NUP88: variants seen among roughly 807,000 people sequenced by gnomAD.
NUP88 encodes nuclear pore complex protein Nup88.
NUP88 carries 57 observed loss-of-function variants against 93.9 expected under a neutral mutation model. The observed-to-expected ratio is 0.61, with a 90% confidence interval of 0.49 to 0.76. The LOEUF is 0.76. Ranked by LOEUF, NUP88 falls within the 30% of genes least tolerant of loss-of-function variation. NUP88 has a pLI of 0.00. For synonymous variants in NUP88, 346 were observed against 336.8 expected (o/e 1.03, Z -0.30); for missense variants, 911 against 901.0 (o/e 1.01, Z -0.14).
At chr17:5,397,604 G>C (rs1912856692) in intron 8 of NUP88, among the ~76,000 whole-genome samples, 1 of 152,222 alleles carries the variant, frequency 6.6e-6, no homozygotes, top group Non-Finnish European at 1.5e-5. Flanking sequence ...AGCCCAGTGA[G>C]AACCATGCAG....
chr17:5,393,435 CTTTTTTTTTT>C (rs35265554), intron 9 of NUP88, among the ~76,000 whole-genome samples: 7 of 121,698 alleles, frequency 5.8e-5, no homozygotes, highest in African/African-American at 2.1e-4. Flanking sequence ...GTTCACTTTT[CTTTTTTTTTT>C]TTTTTTTTTG....
intron 3 of NUP88, among the ~76,000 whole-genome samples, chr17:5,412,348 G>C (rs1232786902): frequency 6.6e-6 from 1 of 152,168 alleles, no homozygotes; most frequent in Non-Finnish European, 1.5e-5. Flanking sequence ...GAAACAGCCA[G>C]ATGTGGAGGT....
At chr17:5,406,769 AAAAAG>A (rs10598183) in intron 5 of NUP88, among the ~76,000 whole-genome samples, 65,011 of 150,700 alleles carry the variant, frequency 0.43, 14,704 homozygotes, top group East Asian at 0.83. Flanking sequence ...GCTTTAAAAA[AAAAAG>A]AAAAGAAAAG....
In NUP88 at chr17:5,419,631, G is replaced by T. The variant is rs778349746; in HGVS notation, c.20C>A (p.Pro7Gln). MAAAEG[P>Q]VGDGELWQTW... Reference sequence around the variant, plus strand: ...CTGCCACAGCTCGCCGTCGCCCACCGGTCCCTCGGCGGCCGCCATCTTGGC... The same window carrying T: ...CTGCCACAGCTCGCCGTCGCCCACCTGTCCCTCGGCGGCCGCCATCTTGGC... Residue 7 changes from proline (P) to glutamine (Q), a missense_variant, in exon 1 of 17, where the codon CCG (proline) becomes CAG (glutamine). Transcript: ENST00000573584. 5.0e-6 allele frequency: 8 copies of T among 1,592,790 alleles called. No homozygotes were observed. The highest frequency in any genetic ancestry group is 1.3e-5 in the African/African-American group (1 of 74,740).
At chr17:5,389,398 A>C (rs1912263686) in intron 10 of NUP88, among the ~76,000 whole-genome samples, 1 of 152,248 alleles carries the variant, frequency 6.6e-6, no homozygotes, top group Non-Finnish European at 1.5e-5. Flanking sequence ...AGTCAAGTGC[A>C]AATACTCAAA....
chr17:5,391,514 T>C (rs370392949), intron 10 of NUP88, 47 bp downstream of exon 10: 137 of 1,470,052 alleles, frequency 9.3e-5, no homozygotes, highest in Non-Finnish European at 1.2e-4. Flanking sequence ...AACTTAGATA[T>C]TGCAGAATTA....
intron 7 of NUP88, among the ~76,000 whole-genome samples, chr17:5,403,699 C>T (rs1175290690): frequency 1.3e-5 from 2 of 151,986 alleles, no homozygotes; most frequent in Admixed American, 6.6e-5. Context: ...TTTGGTCTGT[C>T]GATGGACACA....
chr17:5,401,411 T>G (rs1913159795), intron 7 of NUP88, among the ~76,000 whole-genome samples: 1 of 151,978 alleles, frequency 6.6e-6, no homozygotes, highest in African/African-American at 2.4e-5. Context: ...ATAATGTTAT[T>G]AAACTAAAAC....
At chr17:5,394,559 C>G (rs1470639818) in intron 9 of NUP88, among the ~76,000 whole-genome samples, 1 of 151,940 alleles carries the variant, frequency 6.6e-6, no homozygotes, top group African/African-American at 2.4e-5. Context: ...AGGAGAGCCC[C>G]AAGTTAGACT....
At chr17:5,398,886 C>T (rs1394158201) in intron 8 of NUP88, among the ~76,000 whole-genome samples, 1 of 128,994 alleles carries the variant, frequency 7.8e-6, no homozygotes, top group African/African-American at 2.8e-5. Flanking sequence ...CCACTGCACC[C>T]AGCCTTTTTT....
intron 1 of NUP88, among the ~76,000 whole-genome samples, chr17:5,417,397 AG>A (rs2151650152): frequency 6.6e-6 from 1 of 152,308 alleles, no homozygotes; most frequent in Admixed American, 6.5e-5. Context: ...GACCCCTGAC[AG>A]TAGAGGCTCC....
In NUP88 at chr17:5,400,092, G is replaced by C. The variant is rs142383686; in HGVS notation, c.1193-442C>G. On this transcript the variant is annotated intron_variant, in intron 7 of 16. Coordinates refer to ENST00000573584, the MANE Select transcript of NUP88 (RefSeq NM_002532.6). ...AGACAGCACGTGCTGTTTGAAAAATGGTGCCGATAGACTTGCTTGATGCAG... is the reference window on the plus strand; with the variant it reads ...AGACAGCACGTGCTGTTTGAAAAATCGTGCCGATAGACTTGCTTGATGCAG... Among the ~76,000 whole-genome samples, 655 of 134,606 alleles carry C rather than the reference G, an allele frequency of 4.9e-3. 10 individuals are homozygous for C. The highest frequency in any genetic ancestry group is 0.017 in the African/African-American group (621 of 36,398). The allele number at this position is 134,606 out of a possible 152,430, so 88.3% of individuals were successfully genotyped here.
chr17:5,417,410 A>G (rs1312087471), intron 1 of NUP88, among the ~76,000 whole-genome samples: 1 of 152,176 alleles, frequency 6.6e-6, no homozygotes, highest in Non-Finnish European at 1.5e-5. Flanking sequence ...AGAGGCTCCA[A>G]TGAGCCGTGA....
At chr17:5,395,825 G>A (rs1323623379) in intron 8 of NUP88, among the ~76,000 whole-genome samples, 1 of 152,090 alleles carries the variant, frequency 6.6e-6, no homozygotes, top group Non-Finnish European at 1.5e-5. Flanking sequence ...GCCTGTAACA[G>A]CTTTTTGAAA....
rs1914483455 is a variant in NUP88 at position 5,419,610 on chromosome 17, C to A, written c.41G>T (p.Trp14Leu). ...AEGPVGDGEL[W>L]QTWLPNHVVF... ...GACGTGGTTAGGAAGCCAGGTCTGC[C>A]ACAGCTCGCCGTCGCCCACCGGTCC... is the stretch of plus-strand genomic sequence containing the variant. The change falls in exon 1 of 17, where the codon TGG becomes TTG. Residue 14 changes from tryptophan to leucine, a missense_variant. Physicochemically the swap from Trp to Leu is moderately conservative, Grantham distance 61 (BLOSUM62 -2). Coordinates refer to ENST00000573584, the MANE Select transcript of NUP88 (RefSeq NM_002532.6). 1.3e-6 allele frequency: 2 copies of A among 1,599,278 alleles called. No individual in the cohort carries two copies. The highest frequency in any genetic ancestry group is 1.7e-6 in the Non-Finnish European group (2 of 1,171,230).
At chr17:5,392,402 G>A (rs554013412) in intron 9 of NUP88, among the ~76,000 whole-genome samples, 4 of 151,952 alleles carry the variant, frequency 2.6e-5, no homozygotes, top group Non-Finnish European at 4.4e-5. Context: ...ATTCTTTCTC[G>A]CCATCCCTTT....
intron 1 of NUP88, among the ~76,000 whole-genome samples, chr17:5,418,873 G>A (rs993622594): frequency 2.4e-4 from 36 of 152,162 alleles, no homozygotes; most frequent in African/African-American, 8.2e-4. Context: ...TTTTGGGTAT[G>A]GCTTTATTTT....
At position 5,419,404 on chromosome 17, in the gene NUP88, G is replaced by GC; in HGVS notation, c.246_247insG (p.Leu83AlafsTer28). On this transcript the variant is annotated frameshift_variant, in exon 1 of 17. Transcript: ENST00000573584. LOFTEE classifies it high-confidence loss of function. Reference sequence around the variant, plus strand: ...TCGCCGCCGCCGCTGGGGCCCCGAAGGCGAACGACTAAGAAGGAGCTGTCT... The same window carrying GC: ...TCGCCGCCGCCGCTGGGGCCCCGAAGCGCGAACGACTAAGAAGGAGCTGTCT... 6.2e-7 allele frequency: 1 copy of GC among 1,611,086 alleles called. No homozygotes were observed.
rs11391160 is a variant in NUP88 at position 5,416,832 on chromosome 17, ATTT to A, written c.298-153_298-151del. On this transcript the variant is annotated intron_variant, in intron 1 of 16. Transcript: ENST00000573584. ...TCACACTTGTACCATTAACTCACAA[ATTT>A]TTTTTTTTTTTTTTGAGACAGAGTC... 359 of 388,136 alleles carry A rather than the reference ATTT, an allele frequency of 9.2e-4. 1 individual carries two copies. The highest frequency in any genetic ancestry group is 1.6e-3 in the Middle Eastern group (2 of 1,288). 24.0% of individuals were successfully genotyped at this position (388,136 alleles called of 1,614,324 possible). A position where few individuals can be genotyped will look rare whatever the true frequency, so the allele number is the denominator to read the frequency against.
Sources: allele counts gnomAD v4.1 joint callset (sites outside exome capture counted in the v4.1 genomes callset), GRCh38; gene constraint gnomAD v4.1.1; transcripts MANE v1.5; gene names NCBI Gene and HGNC (gene_info 2026-07-23, HGNC 2026-07-21).